Variants in ULK4 observed in about 807,000 individuals in gnomAD.
ULK4 encodes the protein inactive serine/threonine-protein kinase ULK4.
Under a neutral mutation model 160.6 loss-of-function variants are expected in ULK4, and 133 were observed. The observed-to-expected ratio is 0.83, with a 90% CI of 0.72 to 0.96. ULK4 has a LOEUF of 0.96. Among genes scored for constraint, ULK4 ranks in the 40% least tolerant of loss-of-function variants. The probability of loss-of-function intolerance (pLI) is 0.00; values close to 1 mark genes in which losing one functional copy is unlikely to be tolerated. For synonymous variants in ULK4, 534 were observed against 539.8 expected, an observed-to-expected ratio of 0.99 and a Z score of 0.15; for missense variants, 1,580 against 1,499.5, an observed-to-expected ratio of 1.05 and a Z score of -0.89.
rs35693704 is a variant in ULK4, at chr3:41,703,834, GCACACACACACACACACACACA to G, written c.2781+1201_2781+1222del. ...TTTAAGTGAAGGATTTAATGCGCATGCACACACACACACACACACACACACACACACACACACACACAAGTTA... is the reference window on the plus strand; with the variant it reads ...TTTAAGTGAAGGATTTAATGCGCATGCACACACACACACACACACAAGTTA... On this transcript the variant is annotated intron_variant, in intron 27 of 36. Coordinates refer to ENST00000301831, the MANE Select transcript of ULK4 (RefSeq NM_017886.4). Among the ~76,000 whole-genome samples, 14 of 129,298 alleles carry G rather than the reference GCACACACACACACACACACACA, an allele frequency of 1.1e-4. No individual in the cohort carries two copies. The East Asian group carries it at 3.0e-3, about 28-fold the overall frequency. The allele number at this position is 129,298 out of a possible 152,430, so 84.8% of individuals were successfully genotyped here.
intron 3 of ULK4, among the ~76,000 whole-genome samples, chr3:41,936,314 T>G (rs1400877660): frequency 6.6e-6 from 1 of 152,230 alleles, no homozygotes; most frequent in Non-Finnish European, 1.5e-5. Context: ...CAGGTCACAT[T>G]CTGCAAAGTA....
At chr3:41,433,682 T>G (rs1023011735) in intron 34 of ULK4, among the ~76,000 whole-genome samples, 1 of 152,196 alleles carries the variant, frequency 6.6e-6, no homozygotes, top group African/African-American at 2.4e-5. Context: ...AGATTGAGCA[T>G]CTCTAATCCT....
At chr3:41,723,050 A>T (rs940433126) in intron 22 of ULK4, among the ~76,000 whole-genome samples, 2 of 152,156 alleles carry the variant, frequency 1.3e-5, no homozygotes, top group East Asian at 3.9e-4. Context: ...TCTGAGTTAC[A>T]ACCTCACCAA....
At chr3:41,648,486 C>T (rs1575526920) in intron 30 of ULK4, among the ~76,000 whole-genome samples, 1 of 152,130 alleles carries the variant, frequency 6.6e-6, no homozygotes, top group East Asian at 1.9e-4. Flanking sequence ...CTAAAAATAG[C>T]AGTATGTAAT....
intron 30 of ULK4, among the ~76,000 whole-genome samples, chr3:41,661,230 GT>G (rs895485300): frequency 2.6e-5 from 4 of 152,084 alleles, no homozygotes; most frequent in African/African-American, 9.7e-5. Flanking sequence ...TCATTCATTA[GT>G]TTGGCAAAGA....
At chr3:41,413,392 G>A (rs760275703) in intron 34 of ULK4, among the ~76,000 whole-genome samples, 1 of 152,144 alleles carries the variant, frequency 6.6e-6, no homozygotes, top group Non-Finnish European at 1.5e-5. Context: ...TTTTACCTTG[G>A]ATTGGGGAAA....
At chr3:41,927,013 T>C (rs1313589046) in intron 5 of ULK4, among the ~76,000 whole-genome samples, 2 of 151,850 alleles carry the variant, frequency 1.3e-5, no homozygotes, top group African/African-American at 2.4e-5. Context: ...ACAAATATAC[T>C]CCTCGAGAAG....
chr3:41,768,815 A>C (rs1043262548), intron 21 of ULK4, among the ~76,000 whole-genome samples: 1 of 152,244 alleles, frequency 6.6e-6, no homozygotes, highest in African/African-American at 2.4e-5. Flanking sequence ...GGCACAAAAA[A>C]GTTTCACACA....
chr3:41,569,671 C>T (rs190506903), intron 31 of ULK4, among the ~76,000 whole-genome samples: 159 of 152,264 alleles, frequency 1.0e-3, no homozygotes, highest in African/African-American at 3.8e-3. Flanking sequence ...TCCCTGGCCC[C>T]TATTTATATT....
intron 35 of ULK4, among the ~76,000 whole-genome samples, chr3:41,317,905 T>C (rs7625903): frequency 0.022 from 3,335 of 152,324 alleles, 84 homozygotes; most frequent in African/African-American, 0.068. Context: ...AAGTTGCTGC[T>C]AATTCTTCTC....
intron 35 of ULK4, among the ~76,000 whole-genome samples, chr3:41,393,582 A>C (rs1174780531): frequency 6.6e-6 from 1 of 152,102 alleles, no homozygotes; most frequent in Non-Finnish European, 1.5e-5. Flanking sequence ...CCACCATAGC[A>C]CTGATTGGAT....
chr3:41,637,410 T>A (rs2034002556), intron 30 of ULK4, among the ~76,000 whole-genome samples: 1 of 152,234 alleles, frequency 6.6e-6, no homozygotes, highest in African/African-American at 2.4e-5. Flanking sequence ...TTCTATTGTG[T>A]ATATCTACCA....
At chr3:41,398,469 A>G (rs1270183126) in intron 34 of ULK4, among the ~76,000 whole-genome samples, 1 of 150,754 alleles carries the variant, frequency 6.6e-6, no homozygotes, top group Non-Finnish European at 1.5e-5. Flanking sequence ...CTGCAGCCTC[A>G]ACCTCCTGGG....
chr3:41,405,135 T>C (rs9311275), intron 34 of ULK4, among the ~76,000 whole-genome samples: 87,206 of 151,730 alleles, frequency 0.57, 26,601 homozygotes, highest in African/African-American at 0.81. Flanking sequence ...CTCTCTTTCT[T>C]TCCAATCTAG....
rs533297867 is a variant in ULK4 at position 41,447,809 on chromosome 3, G to C, written c.3492+7688C>G. Among the ~76,000 whole-genome samples, 6 of 152,208 alleles carry C rather than the reference G, an allele frequency of 3.9e-5. No individual in the cohort carries two copies. In the East Asian group the frequency reaches 1.2e-3, roughly 29 times the overall value. On this transcript the variant is annotated intron_variant, in intron 34 of 36. Transcript: ENST00000301831. ...TCTTGTCAATCAAAGATAGGGTTTG[G>C]GTTGTTTCAGAAACACAGGCTGCCC...
intron 34 of ULK4, among the ~76,000 whole-genome samples, chr3:41,420,475 CTTTTTTTTTTTT>C (rs1165381982): frequency 7.3e-5 from 3 of 41,182 alleles, no homozygotes; most frequent in South Asian, 1.4e-3. Flanking sequence ...CCAGTTCTTT[CTTTTTTTTTTTT>C]TTTTTTTTTT....
At chr3:41,832,379 T>C (rs960148003) in intron 18 of ULK4, among the ~76,000 whole-genome samples, 2 of 152,092 alleles carry the variant, frequency 1.3e-5, no homozygotes, top group African/African-American at 4.8e-5. Flanking sequence ...CCCACGTTTT[T>C]ATGGGTTGTT....
chr3:41,783,443 A>T (rs189226082), intron 21 of ULK4, among the ~76,000 whole-genome samples: 4 of 152,156 alleles, frequency 2.6e-5, no homozygotes, highest in African/African-American at 9.6e-5. Context: ...AGGCTGAGAC[A>T]TAAGAATTGC....
chr3:41,463,487 T>C (rs1047832166), intron 32 of ULK4, among the ~76,000 whole-genome samples: 3 of 152,204 alleles, frequency 2.0e-5, no homozygotes, highest in South Asian at 2.1e-4. Flanking sequence ...GTGATTTTGA[T>C]GCAAAGGTTC....
Sources: gnomAD v4.1 joint callset for allele counts (sites outside exome capture counted in the v4.1 genomes callset) on GRCh38, gnomAD v4.1.1 for gene constraint, MANE v1.5 for transcripts, NCBI Gene and HGNC (gene_info 2026-07-23, HGNC 2026-07-21) for gene names.